AKAP13: variants seen among roughly 807,000 people sequenced by gnomAD.
AKAP13 encodes the protein A-kinase anchoring protein 13, also known as A-kinase anchor protein 13.
A neutral mutation model predicts 264.5 loss-of-function variants in AKAP13; 80 were observed. The observed-to-expected ratio is 0.30, with a 90% CI of 0.25 to 0.36. The LOEUF (loss-of-function observed/expected upper bound fraction) is 0.36, where lower values mean the gene tolerates loss of function less well. Ranked by LOEUF, AKAP13 falls within the 10% of genes least tolerant of loss-of-function variation. The pLI, the probability that AKAP13 is intolerant of heterozygous loss-of-function variation, is 1.00. For synonymous variants in AKAP13, 1,380 were observed against 1,250.2 expected, an observed-to-expected ratio of 1.10 and a Z score of -2.19; for missense variants, 3,712 against 3,435.2, an observed-to-expected ratio of 1.08 and a Z score of -2.01.
intron 4 of AKAP13, chr15:85,536,754 T>C (rs1195244662): frequency 6.6e-6 from 1 of 152,242 alleles, no homozygotes; most frequent in Middle Eastern, 3.2e-3. Context: ...TCTATTTATA[T>C]GATATTCTGG....
At chr15:85,707,335 C>T (rs920320137) in intron 17 of AKAP13, among the ~76,000 whole-genome samples, 2 of 152,248 alleles carry the variant, frequency 1.3e-5, no homozygotes, top group Admixed American at 1.3e-4. Flanking sequence ...AAAATGCTGT[C>T]CTTGCCAAAT....
intron 1 of AKAP13, among the ~76,000 whole-genome samples, chr15:85,436,380 A>G (rs1391344807): frequency 1.6e-5 from 2 of 125,324 alleles, no homozygotes; most frequent in African/African-American, 6.2e-5. Context: ...AGACTTTAAC[A>G]CCCCACTGTC....
At chr15:85,496,943 CTTTGAA>C (rs55773275) in intron 2 of AKAP13, among the ~76,000 whole-genome samples, 76,664 of 151,546 alleles carry the variant, frequency 0.51, 19,872 homozygotes, top group Middle Eastern at 0.6. Flanking sequence ...CAGAAACTTG[CTTTGAA>C]TTTGAAGTTA....
At chr15:85,453,680 C>T (rs544956463) in intron 1 of AKAP13, among the ~76,000 whole-genome samples, 19 of 151,192 alleles carry the variant, frequency 1.3e-4, no homozygotes, top group African/African-American at 3.4e-4. Flanking sequence ...CTTCAGCCCT[C>T]GGTTGCCTCA....
In AKAP13 at chr15:85,682,204, G is replaced by C; in HGVS notation, c.5148G>C (p.Leu1716=). Residue 1716 remains leucine (L), a synonymous_variant, in exon 15 of 37, where the codon CTG becomes CTC. Coordinates refer to ENST00000394518, the MANE Select transcript of AKAP13 (RefSeq NM_007200.5). ...HSTFHNTSAN[L]TESITEENYN... is the part of the protein sequence containing the mutation. ...CCTTCCACAATACCAGTGCTAATCTGACTGAGAGGTACTATAAATTTGTTA... is the reference window on the plus strand; with the variant it reads ...CCTTCCACAATACCAGTGCTAATCTCACTGAGAGGTACTATAAATTTGTTA... The C allele has an allele frequency of 6.2e-7, 1 of 1,613,084 alleles. No homozygotes were observed. Among genetic ancestry groups the C allele is most frequent in the South Asian group, 1.1e-5 (1 of 91,002 alleles).
rs184071465 is a variant in AKAP13, at chr15:85,730,784, T to C, written c.7282+77T>C. 1.4e-5 allele frequency: 18 copies of C among 1,311,182 alleles called. No homozygotes were observed. The Admixed American group carries it at 3.8e-4, about 28-fold the overall frequency. 81.2% of individuals were successfully genotyped at this position (1,311,182 alleles called of 1,614,324 possible). A position where few individuals can be genotyped will look rare whatever the true frequency, so the allele number is the denominator to read the frequency against. On this transcript the variant is annotated intron_variant, in intron 30 of 36. Transcript: ENST00000394518. ...CACACTAATATTACCTGCCAGTTTT[T>C]ACTTTTTTACTTTAAAGCACAAATG...
rs184134774 is a variant in AKAP13, at chr15:85,652,684, A to G, written c.4375-2733A>G. ...CCAGTTCTGGAGGCTGGAGATCCTA[A>G]TCACCGTGTCAGTGGGGCTGCTTTC... On this transcript the variant is annotated intron_variant, in intron 10 of 36. Coordinates refer to ENST00000394518, the MANE Select transcript of AKAP13 (RefSeq NM_007200.5). 1.6e-4 allele frequency among the ~76,000 whole-genome samples: 24 copies of G among 152,280 alleles called. No homozygotes were observed. The East Asian group carries it at 4.2e-3, about 27-fold the overall frequency.
At chr15:85,386,229 G>C (rs1344516516) in intron 1 of AKAP13, among the ~76,000 whole-genome samples, 1 of 151,840 alleles carries the variant, frequency 6.6e-6, no homozygotes, top group Non-Finnish European at 1.5e-5. Context: ...CATGCTTTTG[G>C]TATAATAGTT....
At chr15:85,412,375 A>AC (rs2072014696) in intron 1 of AKAP13, among the ~76,000 whole-genome samples, 1 of 152,224 alleles carries the variant, frequency 6.6e-6, no homozygotes, top group Non-Finnish European at 1.5e-5. Context: ...CAAACAGTGT[A>AC]ACCGTTTGAA....
chr15:85,403,418 C>G (rs1390125220), intron 1 of AKAP13, among the ~76,000 whole-genome samples: 1 of 152,218 alleles, frequency 6.6e-6, no homozygotes, highest in African/African-American at 2.4e-5. Context: ...ATTAGTGCCA[C>G]TCACTACAAT....
chr15:85,644,977 G>A (rs986684458), intron 9 of AKAP13, among the ~76,000 whole-genome samples: 5 of 152,234 alleles, frequency 3.3e-5, no homozygotes, highest in African/African-American at 9.6e-5. Flanking sequence ...AAAATAAACT[G>A]GACTTGGTGG....
At chr15:85,527,508 T>C (rs1306801680) in intron 3 of AKAP13, among the ~76,000 whole-genome samples, 1 of 152,222 alleles carries the variant, frequency 6.6e-6, no homozygotes, top group African/African-American at 2.4e-5. Flanking sequence ...AAAAGGCTCT[T>C]TGGGATATGA....
intron 1 of AKAP13, among the ~76,000 whole-genome samples, chr15:85,470,418 C>T (rs1168817248): frequency 1.3e-5 from 2 of 152,150 alleles, no homozygotes; most frequent in Admixed American, 6.5e-5. Context: ...GATTCTGTTT[C>T]GATGCTAATA....
At chr15:85,646,386 C>T (rs560389352) in intron 10 of AKAP13, among the ~76,000 whole-genome samples, 2 of 152,130 alleles carry the variant, frequency 1.3e-5, no homozygotes, top group South Asian at 4.1e-4. Context: ...AAGTTCGCGC[C>T]ACTAAACTCT....
In AKAP13 at chr15:85,691,983, TC is replaced by T. The variant is rs1489086177; in HGVS notation, c.5290-1292del. The stretch of plus-strand genomic sequence containing the variant: ...GAGTGAGCTACTAAGCCTTGGGACT[TC>T]CTTTCCCTGGAACCCCATTTTTTTA... On this transcript the variant is annotated intron_variant, in intron 16 of 36. Transcript: ENST00000394518. The T allele has an allele frequency of 9.3e-6, 4 of 431,510 alleles. No individual in the cohort carries two copies. The East Asian group carries it at 2.9e-4, about 31-fold the overall frequency. 26.7% of individuals were successfully genotyped at this position (431,510 alleles called of 1,614,324 possible). A position where few individuals can be genotyped will look rare whatever the true frequency, so the allele number is the denominator to read the frequency against.
intron 36 of AKAP13, 167 bp from the exon 37 acceptor site, chr15:85,744,461 A>T: frequency 1.4e-6 from 1 of 707,434 alleles, no homozygotes; most frequent in Non-Finnish European, 2.5e-6. Context: ...ATCACTTAAG[A>T]ACCTTATTAA....
intron 16 of AKAP13, among the ~76,000 whole-genome samples, chr15:85,692,886 C>T (rs1039356605): frequency 1.3e-5 from 2 of 152,042 alleles, no homozygotes; most frequent in Non-Finnish European, 2.9e-5. Context: ...CTTTTTTCTG[C>T]CCTCTGCCTA....
At chr15:85,621,610 C>G (rs146307884) in intron 8 of AKAP13, 3 of 152,038 alleles carry the variant, frequency 2.0e-5, no homozygotes, top group Middle Eastern at 3.2e-3. Flanking sequence ...ACTTTATACT[C>G]TAGGTGGGCA....
At chr15:85,473,129 T>C (rs1004811188) in intron 1 of AKAP13, among the ~76,000 whole-genome samples, 2 of 152,202 alleles carry the variant, frequency 1.3e-5, no homozygotes, top group African/African-American at 2.4e-5. Context: ...CTGGCTACTT[T>C]CCCTGAAAAC....
Sources: allele counts gnomAD v4.1 joint callset (sites outside exome capture counted in the v4.1 genomes callset), GRCh38; gene constraint gnomAD v4.1.1; transcripts MANE v1.5; gene names NCBI Gene and HGNC (gene_info 2026-07-23, HGNC 2026-07-21).